Variants in ACTR3B observed in about 807,000 individuals in gnomAD.
ACTR3B encodes actin related protein 3B.
Under a neutral mutation model 59.0 loss-of-function variants are expected in ACTR3B, and 8 were observed. That is an observed-to-expected ratio of 0.14 (90% CI 0.08 to 0.24). ACTR3B has a LOEUF of 0.24. Among genes scored for constraint, ACTR3B ranks in the 10% least tolerant of loss-of-function variants. ACTR3B has a pLI of 1.00. For missense variants in ACTR3B, 245 were observed against 552.3 expected (o/e 0.44, Z 5.58); for synonymous variants, 148 against 197.9 (o/e 0.75, Z 2.12).
At chr7:152,762,081 A>G (rs2098091163) in intron 1 of ACTR3B, among the ~76,000 whole-genome samples, 1 of 152,240 alleles carries the variant, frequency 6.6e-6, no homozygotes, top group African/African-American at 2.4e-5. Context: ...GTGGGCACTA[A>G]TGATTTATTG....
rs144536020 is a variant in ACTR3B at position 152,828,184 on chromosome 7, T to C, written c.951+3062T>C. On this transcript the variant is annotated intron_variant, in intron 9 of 11. Transcript: ENST00000256001. ...CTGTGATAATTATCTGCGGACCCTC[T>C]TCAGGCGGGGCATGTTGAGGCGTGG... 3.9e-3 allele frequency among the ~76,000 whole-genome samples: 588 copies of C among 151,862 alleles called. 4 individuals are homozygous for C. The highest frequency in any genetic ancestry group is 0.013 in the African/African-American group (542 of 41,160).
At chr7:152,808,847 C>T (rs35408167) in intron 4 of ACTR3B, among the ~76,000 whole-genome samples, 1 of 152,124 alleles carries the variant, frequency 6.6e-6, no homozygotes, top group Admixed American at 6.5e-5. Flanking sequence ...TAAGTGTTTA[C>T]AAGTATTAAC....
chr7:152,816,545 T>C lies in ACTR3B; in HGVS notation c.497T>C (p.Ile166Thr). The change falls in exon 6 of 12, where the codon ATA becomes ACA. Residue 166 changes from isoleucine (I) to threonine (T), a missense_variant. Around this residue, in one of 7 missense-constraint regions of ACTR3B, gnomAD observed 40 missense variants for 70.4 expected, o/e 0.57. Transcript: ENST00000256001. ...RQVGERTLTG[I>T]VIDSGDGVTH... is the part of the protein sequence containing the mutation. ...GTGGGTGAACGTACGTTAACGGGGA[T>C]AGTCATTGACAGCGGAGATGGAGTC... 1.9e-6 allele frequency: 3 copies of C among 1,606,074 alleles called. No homozygotes were observed. Among genetic ancestry groups the C allele is most frequent in the Non-Finnish European group, 2.6e-6 (3 of 1,175,958 alleles).
intron 5 of ACTR3B, among the ~76,000 whole-genome samples, chr7:152,815,315 A>G (rs188292888): frequency 2.0e-5 from 3 of 152,354 alleles, no homozygotes; most frequent in Admixed American, 6.5e-5. Context: ...CACAGCGCCT[A>G]TCAGCACAGT....
At position 152,774,777 on chromosome 7, in the gene ACTR3B, A is replaced by G. The variant is rs1298246214; in HGVS notation, c.45-8410A>G. On this transcript the variant is annotated intron_variant, in intron 1 of 11. Coordinates refer to ENST00000256001, the MANE Select transcript of ACTR3B (RefSeq NM_020445.6). The stretch of plus-strand genomic sequence containing the variant: ...CTTTATATATTGAATTCTTCGTTCT[A>G]TAGAGACTATGCTTTTCTATGAAAC... 2.6e-5 allele frequency among the ~76,000 whole-genome samples: 4 copies of G among 152,208 alleles called. No homozygotes were observed. In the South Asian group the frequency reaches 6.2e-4, roughly 24 times the overall value.
chr7:152,842,619 T>C (rs1390206149), intron 9 of ACTR3B, among the ~76,000 whole-genome samples: 1 of 152,204 alleles, frequency 6.6e-6, no homozygotes, highest in Non-Finnish European at 1.5e-5. Flanking sequence ...TGCATGTCAT[T>C]TGACCCTTCT....
chr7:152,853,428 C>A, intron 10 of ACTR3B, 66 bp from the exon 11 acceptor site: 1 of 1,492,066 alleles, frequency 6.7e-7, no homozygotes. Context: ...GTCTCGTCAG[C>A]CGGGGGATGA....
chr7:152,784,480 A>G (rs1169508984), intron 2 of ACTR3B, among the ~76,000 whole-genome samples: 1 of 152,036 alleles, frequency 6.6e-6, no homozygotes, highest in Admixed American at 6.6e-5. Flanking sequence ...CTGGCCATGA[A>G]TGTGATTTTC....
At chr7:152,825,877 T>G (rs1397500575) in intron 9 of ACTR3B, among the ~76,000 whole-genome samples, 2 of 152,176 alleles carry the variant, frequency 1.3e-5, no homozygotes, top group Non-Finnish European at 2.9e-5. Context: ...TTCAAAATTC[T>G]TAGATTTCAG....
At position 152,759,811 on chromosome 7, in the gene ACTR3B, G is replaced by C; in HGVS notation, c.-72G>C. On this transcript the variant is annotated 5_prime_UTR_variant, in exon 1 of 12. Coordinates refer to ENST00000256001, the MANE Select transcript of ACTR3B (RefSeq NM_020445.6). ...GCGGGAGACGCTGCGCGCGGGGCTAGCGGGCGGCGGAGCGGACGGCGACGG... is the reference window on the plus strand; with the variant it reads ...GCGGGAGACGCTGCGCGCGGGGCTACCGGGCGGCGGAGCGGACGGCGACGG... 2 of 1,132,250 alleles carry C rather than the reference G, an allele frequency of 1.8e-6. No individual in the cohort carries two copies. The highest frequency in any genetic ancestry group is 2.2e-6 in the Non-Finnish European group (2 of 915,050). The allele number at this position is 1,132,250 out of a possible 1,614,324, so 70.1% of individuals were successfully genotyped here.
rs1439460004 is a variant in ACTR3B, at chr7:152,853,659, A to G, written c.1161+82A>G. ...GGGTAAATACTGTCTACGAAGGTGA[A>G]ATAGTGTGTGCCCTAATCGTGTGGC... is the stretch of plus-strand genomic sequence containing the variant. On this transcript the variant is annotated intron_variant, in intron 11 of 11. Transcript: ENST00000256001. 3 of 1,200,956 alleles carry G rather than the reference A, an allele frequency of 2.5e-6. No individual in the cohort carries two copies. In the East Asian group the frequency reaches 7.6e-5, roughly 30 times the overall value. 74.4% of individuals were successfully genotyped at this position (1,200,956 alleles called of 1,614,324 possible). A position where few individuals can be genotyped will look rare whatever the true frequency, so the allele number is the denominator to read the frequency against.
At position 152,765,109 on chromosome 7, in the gene ACTR3B, C is replaced by T. The variant is rs1295610300; in HGVS notation, c.44+5183C>T. On this transcript the variant is annotated intron_variant, in intron 1 of 11. Coordinates refer to ENST00000256001, the MANE Select transcript of ACTR3B (RefSeq NM_020445.6). ...TTTGAGACTGGGTCTTACCCTGGCC[C>T]TTTTTTTTTTTTTTTTTTTTTTCCG... Among the ~76,000 whole-genome samples the T allele has an allele frequency of 4.5e-5, 3 of 66,282 alleles. No homozygotes were observed. The Admixed American group carries it at 5.7e-4, about 13-fold the overall frequency. The allele number at this position is 66,282 out of a possible 152,430, so 43.5% of individuals were successfully genotyped here.
At chr7:152,778,760 G>A (rs2098142436) in intron 1 of ACTR3B, among the ~76,000 whole-genome samples, 2 of 151,292 alleles carry the variant, frequency 1.3e-5, no homozygotes, top group South Asian at 4.2e-4. Context: ...GGCAACATAG[G>A]AAGACCCCTC....
intron 1 of ACTR3B, among the ~76,000 whole-genome samples, chr7:152,778,227 ATT>A (rs58107330): frequency 0.46 from 59,344 of 129,472 alleles, 13,425 homozygotes; most frequent in Non-Finnish European, 0.51. Context: ...TTGAGCCTAG[ATT>A]TTTTTTTTTT....
chr7:152,778,074 G>A (rs1185383054), intron 1 of ACTR3B, among the ~76,000 whole-genome samples: 2 of 151,648 alleles, frequency 1.3e-5, no homozygotes, highest in South Asian at 2.1e-4. Flanking sequence ...AATAATGATA[G>A]TAGATCTCCT....
chr7:152,822,073 G>A (rs1055785716), intron 7 of ACTR3B, among the ~76,000 whole-genome samples: 1 of 152,214 alleles, frequency 6.6e-6, no homozygotes, highest in Non-Finnish European at 1.5e-5. Context: ...TCCAGTCTTG[G>A]TAGATTTGAG....
intron 1 of ACTR3B, among the ~76,000 whole-genome samples, chr7:152,760,975 C>T (rs907852587): frequency 2.0e-5 from 3 of 152,116 alleles, no homozygotes; most frequent in Non-Finnish European, 4.4e-5. Context: ...ACCCTTGATT[C>T]TTTTCTATAG....
At chr7:152,774,439 AT>A (rs11351793) in intron 1 of ACTR3B, among the ~76,000 whole-genome samples, 64,539 of 148,656 alleles carry the variant, frequency 0.43, 14,470 homozygotes, top group Non-Finnish European at 0.5. Flanking sequence ...CCTGGCCTAC[AT>A]TTTTTTTTTT....
intron 6 of ACTR3B, among the ~76,000 whole-genome samples, chr7:152,818,412 A>G (rs1435197335): frequency 1.3e-5 from 2 of 152,062 alleles, no homozygotes; most frequent in East Asian, 1.9e-4. Flanking sequence ...CCACCCAAAG[A>G]CCTGTATTAA....
Sources: allele counts gnomAD v4.1 joint callset (sites outside exome capture counted in the v4.1 genomes callset), GRCh38; gene constraint gnomAD v4.1.1; regional missense constraint gnomAD v4.1.1; transcripts MANE v1.5; gene names NCBI Gene and HGNC (gene_info 2026-07-23, HGNC 2026-07-21).